The following EXOC4 variants were observed in gnomAD, a reference collection of about 807,000 sequenced individuals.
The protein encoded by EXOC4 is SEC8-like 1.
EXOC4 carries 71 observed loss-of-function variants against 107.2 expected under a neutral mutation model. That is an observed-to-expected ratio of 0.66 (90% CI 0.55 to 0.81). The LOEUF (loss-of-function observed/expected upper bound fraction) is 0.81. Ranked by LOEUF, EXOC4 falls within the 30% of genes least tolerant of loss-of-function variation. EXOC4 has a pLI of 0.00. For synonymous variants in EXOC4, 456 were observed against 441.2 expected (o/e 1.03, Z -0.42); for missense variants, 1,108 against 1,189.6 (o/e 0.93, Z 1.01).
chr7:133,713,103 A>G (rs771276902), intron 10 of EXOC4, among the ~76,000 whole-genome samples: 1 of 152,220 alleles, frequency 6.6e-6, no homozygotes, highest in Non-Finnish European at 1.5e-5. Context: ...CTAATTTTGT[A>G]TTATATGAAA....
intron 10 of EXOC4, among the ~76,000 whole-genome samples, chr7:133,762,333 G>A (rs1355635308): frequency 6.6e-6 from 1 of 152,054 alleles, no homozygotes; most frequent in Non-Finnish European, 1.5e-5. Flanking sequence ...ATGACATCAG[G>A]TATGTGCAAA....
At chr7:133,860,904 A>G (rs371204644) in intron 11 of EXOC4, among the ~76,000 whole-genome samples, 7 of 152,282 alleles carry the variant, frequency 4.6e-5, no homozygotes, top group African/African-American at 1.7e-4. Flanking sequence ...TAATCCAAGC[A>G]CTTAAGCCAA....
chr7:133,862,689 G>C (rs1038569337), intron 11 of EXOC4, among the ~76,000 whole-genome samples: 5 of 152,070 alleles, frequency 3.3e-5, no homozygotes, highest in African/African-American at 1.2e-4. Flanking sequence ...AGTCAAATTT[G>C]CTCTTTAAGC....
intron 10 of EXOC4, among the ~76,000 whole-genome samples, chr7:133,698,849 G>T (rs975083295): frequency 2.6e-5 from 4 of 152,118 alleles, no homozygotes; most frequent in African/African-American, 9.6e-5. Flanking sequence ...TATGATGTGT[G>T]TCTGCAATAT....
At chr7:133,804,132 A>G (rs1465371447) in intron 10 of EXOC4, among the ~76,000 whole-genome samples, 1 of 152,186 alleles carries the variant, frequency 6.6e-6, no homozygotes, top group Non-Finnish European at 1.5e-5. Context: ...ACTTTGAACC[A>G]CTGTAGAAAA....
chr7:133,842,006 G>A (rs573474888), intron 11 of EXOC4, among the ~76,000 whole-genome samples: 7 of 152,112 alleles, frequency 4.6e-5, no homozygotes, highest in African/African-American at 1.7e-4. Flanking sequence ...TTCTTTTTTA[G>A]TATTCCACGG....
chr7:134,083,777 A>C, the EXOC4 span, among the ~76,000 whole-genome samples: 1 of 152,208 alleles, frequency 6.6e-6, no homozygotes, highest in Non-Finnish European at 1.5e-5. Flanking sequence ...CTAAAGGTCA[A>C]AATGTAATAG....
intron 9 of EXOC4, among the ~76,000 whole-genome samples, chr7:133,608,784 T>G (rs1327024484): frequency 6.6e-6 from 1 of 152,016 alleles, no homozygotes; most frequent in Non-Finnish European, 1.5e-5. Flanking sequence ...CCTGACCTCA[T>G]GATCTGCCTG....
chr7:133,684,837 A>G (rs1008531601), intron 10 of EXOC4, among the ~76,000 whole-genome samples: 29 of 152,284 alleles, frequency 1.9e-4, no homozygotes, highest in Admixed American at 1.6e-3. Flanking sequence ...TAACAGCTGG[A>G]TCACTACTGA....
intron 1 of EXOC4, among the ~76,000 whole-genome samples, chr7:133,261,304 T>C (rs1795146531): frequency 6.6e-6 from 1 of 151,182 alleles, no homozygotes; most frequent in South Asian, 2.1e-4. Flanking sequence ...TCTAGCTCTC[T>C]TGCCCAGGCT....
intron 11 of EXOC4, among the ~76,000 whole-genome samples, chr7:133,862,742 A>G (rs117879058): frequency 1.3e-5 from 2 of 152,140 alleles, no homozygotes; most frequent in Non-Finnish European, 2.9e-5. Flanking sequence ...GCATACATAC[A>G]TATTTCTTTT....
intron 11 of EXOC4, among the ~76,000 whole-genome samples, chr7:133,873,944 G>T (rs749498450): frequency 2.6e-5 from 4 of 152,174 alleles, no homozygotes; most frequent in Non-Finnish European, 4.4e-5. Flanking sequence ...ATAAACTTGG[G>T]CAGGATGCCA....
At chr7:133,942,777 C>A (rs568271611) in intron 14 of EXOC4, among the ~76,000 whole-genome samples, 15 of 152,270 alleles carry the variant, frequency 9.9e-5, no homozygotes, top group African/African-American at 3.6e-4. Context: ...TGCTTACAAG[C>A]AAGTTGTGGT....
At chr7:133,942,267 GTCT>G (rs1203109016) in intron 14 of EXOC4, among the ~76,000 whole-genome samples, 1 of 151,408 alleles carries the variant, frequency 6.6e-6, no homozygotes. Context: ...CATCTAGGAA[GTCT>G]TTTTTTTTTT....
At chr7:133,690,585 A>G (rs1217685678) in intron 10 of EXOC4, among the ~76,000 whole-genome samples, 1 of 152,172 alleles carries the variant, frequency 6.6e-6, no homozygotes, top group South Asian at 2.1e-4. Flanking sequence ...AGATTTGTTT[A>G]TATTCGCCCC....
At chr7:133,903,092 C>A (rs530685224) in intron 12 of EXOC4, among the ~76,000 whole-genome samples, 1 of 152,038 alleles carries the variant, frequency 6.6e-6, no homozygotes, top group Non-Finnish European at 1.5e-5. Context: ...GGAGGCAGGA[C>A]GCTCCGGGAC....
At chr7:133,820,338 A>T (rs13235840) in intron 11 of EXOC4, among the ~76,000 whole-genome samples, 20,523 of 151,572 alleles carry the variant, frequency 0.14, 1,773 homozygotes, top group South Asian at 0.22. Flanking sequence ...TATCTTTGGT[A>T]TTTTCCTGCA....
intron 10 of EXOC4, among the ~76,000 whole-genome samples, chr7:133,640,208 C>G (rs1029275556): frequency 4.6e-5 from 7 of 152,184 alleles, no homozygotes; most frequent in Admixed American, 2.0e-4. Context: ...CAATCCCTTT[C>G]CCTGAGAGAT....
intron 9 of EXOC4, among the ~76,000 whole-genome samples, chr7:133,629,601 C>T (rs1452002214): frequency 3.3e-5 from 5 of 151,796 alleles, no homozygotes; most frequent in South Asian, 2.1e-4. Context: ...AGTGCAGTGG[C>T]GCAATCTTGG....
Sources: gnomAD v4.1 joint callset for allele counts (sites outside exome capture counted in the v4.1 genomes callset) on GRCh38, gnomAD v4.1.1 for gene constraint, MANE v1.5 for transcripts, NCBI Gene and HGNC (gene_info 2026-07-23, HGNC 2026-07-21) for gene names.